PTPRG: variants seen among roughly 807,000 people sequenced by gnomAD.
The protein encoded by PTPRG is protein tyrosine phosphatase receptor type G.
A neutral mutation model predicts 165.3 loss-of-function variants in PTPRG; 102 were observed. The ratio of observed to expected loss-of-function variants is 0.62; its 90% CI spans 0.53 to 0.73. The LOEUF is 0.73. Among genes scored for constraint, PTPRG ranks in the 30% least tolerant of loss-of-function variants. The probability of loss-of-function intolerance (pLI) is 0.00; values close to 1 mark genes in which losing one functional copy is unlikely to be tolerated. For synonymous variants in PTPRG, 675 were observed against 669.5 expected, an observed-to-expected ratio of 1.01 and a Z score of -0.13; for missense variants, 1,866 against 1,861.4, an observed-to-expected ratio of 1.00 and a Z score of -0.05.
At position 61,571,621 on chromosome 3, in the gene PTPRG, T is replaced by A. The variant is rs149967838; in HGVS notation, c.85+9249T>A. On this transcript the variant is annotated intron_variant, in intron 1 of 29. Transcript: ENST00000474889. ...ATAATAACTGTGGATAGAGTCTGAA[T>A]TTGTTGGTGGTGAGTTTTTTTTTGA... Among the ~76,000 whole-genome samples the A allele has an allele frequency of 8.7e-3, 1,319 of 152,310 alleles. 12 individuals carry two copies. The highest frequency in any genetic ancestry group is 0.013 in the Non-Finnish European group (853 of 68,024).
chr3:61,771,891 C>G (rs566917916), intron 2 of PTPRG, among the ~76,000 whole-genome samples: 3 of 151,710 alleles, frequency 2.0e-5, no homozygotes, highest in East Asian at 3.9e-4. Flanking sequence ...GAAAACCTGT[C>G]TCTACTAAAA....
chr3:62,143,570 T>A (rs1005928189), intron 6 of PTPRG, among the ~76,000 whole-genome samples: 3 of 150,382 alleles, frequency 2.0e-5, no homozygotes, highest in South Asian at 2.1e-4. Flanking sequence ...TTTTTTTTTT[T>A]AATTTTTTTG....
chr3:62,025,437 C>A (rs2107769679), intron 4 of PTPRG, among the ~76,000 whole-genome samples: 1 of 152,148 alleles, frequency 6.6e-6, no homozygotes, highest in East Asian at 1.9e-4. Context: ...AATGGGAAAA[C>A]CATTTTTTTC....
In PTPRG at chr3:62,014,752, A is replaced by G. The variant is rs192223798; in HGVS notation, c.519+11255A>G. 2.0e-5 allele frequency among the ~76,000 whole-genome samples: 3 copies of G among 152,224 alleles called. No individual in the cohort carries two copies. The East Asian group carries it at 5.8e-4, about 29-fold the overall frequency. ...ATTGCCTGTCTCTATCTCTTTCATCATCATTCTTTGTGTCATTTATTGGAA... is the reference window on the plus strand; with the variant it reads ...ATTGCCTGTCTCTATCTCTTTCATCGTCATTCTTTGTGTCATTTATTGGAA... On this transcript the variant is annotated intron_variant, in intron 4 of 29. Transcript: ENST00000474889.
At chr3:62,087,125 G>A (rs9870393) in intron 5 of PTPRG, among the ~76,000 whole-genome samples, 44,084 of 151,800 alleles carry the variant, frequency 0.29, 7,272 homozygotes, top group African/African-American at 0.47. Flanking sequence ...TGTGATTTTC[G>A]TAAACTCAGA....
chr3:61,812,889 G>T (rs1328622168), intron 2 of PTPRG, among the ~76,000 whole-genome samples: 2 of 152,206 alleles, frequency 1.3e-5, no homozygotes, highest in Non-Finnish European at 2.9e-5. Context: ...ACTGGTTTAG[G>T]ATGCTAGGTT....
chr3:61,693,667 A>G (rs1330163731), intron 1 of PTPRG, among the ~76,000 whole-genome samples: 1 of 152,154 alleles, frequency 6.6e-6, no homozygotes, highest in Non-Finnish European at 1.5e-5. Context: ...ATGAAGACGT[A>G]TTGAAATCTG....
At chr3:61,943,599 A>G (rs776892358) in intron 2 of PTPRG, among the ~76,000 whole-genome samples, 15 of 152,212 alleles carry the variant, frequency 9.9e-5, no homozygotes, top group Middle Eastern at 3.2e-3. Flanking sequence ...AATAATTTTT[A>G]CCTTGTAAGT....
At chr3:62,129,161 A>AG (rs1703422333) in intron 5 of PTPRG, among the ~76,000 whole-genome samples, 1 of 152,170 alleles carries the variant, frequency 6.6e-6, no homozygotes, top group Non-Finnish European at 1.5e-5. Context: ...CACGTTCCTG[A>AG]GCTCAGATGA....
chr3:61,694,358 C>T (rs1224991876), intron 1 of PTPRG, among the ~76,000 whole-genome samples: 1 of 152,148 alleles, frequency 6.6e-6, no homozygotes, highest in Non-Finnish European at 1.5e-5. Context: ...TGAGGTAACA[C>T]TATCTCATGT....
In PTPRG at chr3:61,772,452, T is replaced by C. The variant is rs373111357; in HGVS notation, c.190+23470T>C. On this transcript the variant is annotated intron_variant, in intron 2 of 29. Transcript: ENST00000474889. Reference sequence around the variant, plus strand: ...TTTATATTTTATAAAGTATAAAATATTAATATTGATTTTCTTATTATAGCT... The same window carrying C: ...TTTATATTTTATAAAGTATAAAATACTAATATTGATTTTCTTATTATAGCT... Among the ~76,000 whole-genome samples the C allele has an allele frequency of 1.2e-3, 186 of 152,192 alleles. 1 individual carries two copies. The highest frequency in any genetic ancestry group is 2.2e-3 in the Non-Finnish European group (152 of 68,022).
At chr3:61,597,434 T>C (rs1308557054) in intron 1 of PTPRG, among the ~76,000 whole-genome samples, 2 of 152,208 alleles carry the variant, frequency 1.3e-5, no homozygotes, top group Non-Finnish European at 2.9e-5. Context: ...CTGCTGCTGT[T>C]AGGGAGGCCT....
At chr3:62,019,639 A>G (rs770612635) in intron 4 of PTPRG, among the ~76,000 whole-genome samples, 1 of 152,166 alleles carries the variant, frequency 6.6e-6, no homozygotes, top group Non-Finnish European at 1.5e-5. Flanking sequence ...AATAGGTTTT[A>G]AAATATTACT....
chr3:62,114,513 T>C (rs1345510880), intron 5 of PTPRG, among the ~76,000 whole-genome samples: 5 of 152,218 alleles, frequency 3.3e-5, no homozygotes, highest in African/African-American at 1.2e-4. Flanking sequence ...TTTTATGATA[T>C]TCTTTCTCTT....
intron 2 of PTPRG, among the ~76,000 whole-genome samples, chr3:61,929,720 G>A (rs990547639): frequency 1.3e-5 from 2 of 151,470 alleles, no homozygotes; most frequent in African/African-American, 4.9e-5. Context: ...CGGTGTAGAT[G>A]TCTACCGCTC....
rs557089697 is a variant in PTPRG at position 61,794,706 on chromosome 3, A to G, written c.190+45724A>G. ...TAATCTACAGGTTGTGTATTCTGAAAAATGAGTAAATTCATCAGGTTATAA... is the reference window on the plus strand; with the variant it reads ...TAATCTACAGGTTGTGTATTCTGAAGAATGAGTAAATTCATCAGGTTATAA... On this transcript the variant is annotated intron_variant, in intron 2 of 29. Coordinates refer to ENST00000474889, the MANE Select transcript of PTPRG (RefSeq NM_002841.4). Among the ~76,000 whole-genome samples, 3 of 152,354 alleles carry G rather than the reference A, an allele frequency of 2.0e-5. No individual in the cohort carries two copies. The South Asian group carries it at 6.2e-4, about 32-fold the overall frequency.
At chr3:61,724,318 C>T (rs1261682770) in intron 1 of PTPRG, among the ~76,000 whole-genome samples, 1 of 151,916 alleles carries the variant, frequency 6.6e-6, no homozygotes, top group Non-Finnish European at 1.5e-5. Flanking sequence ...ATTGTGTGCA[C>T]CAATAGTTTG....
chr3:62,081,175 T>C lies in PTPRG; in HGVS notation c.615+2917T>C, dbSNP rs1320289970. 4.0e-5 allele frequency among the ~76,000 whole-genome samples: 6 copies of C among 150,588 alleles called. 1 individual carries two copies. Among genetic ancestry groups the C allele is most frequent in the Non-Finnish European group, 1.5e-5 (1 of 67,866 alleles). Reference sequence around the variant, plus strand: ...GGGAGGCTGAGGCAGGAGAATGGCGTGAACGTGGGAGGCAGAGCTTGCAGT... The same window carrying C: ...GGGAGGCTGAGGCAGGAGAATGGCGCGAACGTGGGAGGCAGAGCTTGCAGT... On this transcript the variant is annotated intron_variant, in intron 5 of 29. Coordinates refer to ENST00000474889, the MANE Select transcript of PTPRG (RefSeq NM_002841.4).
chr3:61,586,026 T>A (rs1438682939), intron 1 of PTPRG, among the ~76,000 whole-genome samples: 1 of 152,252 alleles, frequency 6.6e-6, no homozygotes, highest in African/African-American at 2.4e-5. Flanking sequence ...CATGAATTTT[T>A]AGTGAAGCCT....
Sources: gnomAD v4.1 joint callset for allele counts (sites outside exome capture counted in the v4.1 genomes callset) on GRCh38, gnomAD v4.1.1 for gene constraint, MANE v1.5 for transcripts, NCBI Gene and HGNC (gene_info 2026-07-23, HGNC 2026-07-21) for gene names.